Variants in MYO16 observed in about 807,000 individuals in gnomAD.
MYO16 encodes the protein myosin XVI.
A neutral mutation model predicts 205.3 loss-of-function variants in MYO16; 94 were observed. That is an observed-to-expected ratio of 0.46 (90% CI 0.39 to 0.54). The LOEUF is 0.54. Among genes scored for constraint, MYO16 ranks in the 20% least tolerant of loss-of-function variants. MYO16 has a pLI of 0.00. For synonymous variants in MYO16, 988 were observed against 954.0 expected, an observed-to-expected ratio of 1.04 and a Z score of -0.66; for missense variants, 2,315 against 2,387.5, an observed-to-expected ratio of 0.97 and a Z score of 0.63.
the MYO16 span, among the ~76,000 whole-genome samples, chr13:108,544,347 T>C: frequency 2.3e-3 from 351 of 152,260 alleles, 2 homozygotes; most frequent in African/African-American, 8.1e-3. Flanking sequence ...CTGAGCCATA[T>C]TTTACTTTTG....
intron 20 of MYO16, among the ~76,000 whole-genome samples, chr13:108,981,500 C>G (rs1443446182): frequency 1.3e-5 from 2 of 152,244 alleles, no homozygotes; most frequent in African/African-American, 4.8e-5. Flanking sequence ...CAACAGAATA[C>G]AACTGCAATG....
At chr13:108,985,618 G>T (rs570689810) in intron 20 of MYO16, among the ~76,000 whole-genome samples, 1 of 152,328 alleles carries the variant, frequency 6.6e-6, no homozygotes, top group East Asian at 1.9e-4. Flanking sequence ...TCTTCCTGAA[G>T]TTCTGGGCCA....
intron 20 of MYO16, among the ~76,000 whole-genome samples, chr13:108,969,285 A>G (rs1439289530): frequency 6.6e-6 from 1 of 152,212 alleles, no homozygotes; most frequent in African/African-American, 2.4e-5. Context: ...AAACTAATAA[A>G]GTTGTTAAGT....
chr13:108,530,347 A>G, the MYO16 span, among the ~76,000 whole-genome samples: 1 of 152,250 alleles, frequency 6.6e-6, no homozygotes, highest in African/African-American at 2.4e-5. Flanking sequence ...AACAGGACTA[A>G]AAGCTGCAAA....
chr13:108,496,431 T>C, the MYO16 span, among the ~76,000 whole-genome samples: 1 of 152,142 alleles, frequency 6.6e-6, no homozygotes, highest in African/African-American at 2.4e-5. Context: ...GAAGGAGGGC[T>C]CCCCAGCTGT....
chr13:108,912,820 T>C (rs1201384214), intron 16 of MYO16, among the ~76,000 whole-genome samples: 2 of 151,996 alleles, frequency 1.3e-5, no homozygotes, highest in African/African-American at 4.8e-5. Flanking sequence ...AGTGCATCTG[T>C]GTCTATGTGT....
intron 21 of MYO16, among the ~76,000 whole-genome samples, chr13:108,998,837 C>G (rs1356421252): frequency 6.6e-6 from 1 of 152,182 alleles, no homozygotes; most frequent in East Asian, 1.9e-4. Context: ...CTCCCTATGG[C>G]TTCTATGTAC....
At chr13:108,882,105 C>T (rs909424541) in intron 12 of MYO16, among the ~76,000 whole-genome samples, 1 of 152,158 alleles carries the variant, frequency 6.6e-6, no homozygotes, top group Non-Finnish European at 1.5e-5. Flanking sequence ...CCCTGAGCAT[C>T]AAGCATTTTA....
At chr13:109,081,585 G>A (rs1594067889) in intron 27 of MYO16, among the ~76,000 whole-genome samples, 1 of 152,120 alleles carries the variant, frequency 6.6e-6, no homozygotes, top group Non-Finnish European at 1.5e-5. Context: ...CTTGAGCAAC[G>A]ATGAGAGATG....
At chr13:108,611,987 T>A in intron 1 of MYO16, among the ~76,000 whole-genome samples, 1 of 147,752 alleles carries the variant, frequency 6.8e-6, no homozygotes, top group Admixed American at 6.7e-5. Context: ...TTTTTTTTTT[T>A]TTTTTTGAGA....
At chr13:108,814,631 CTAAGTA>C (rs1293575379) in intron 7 of MYO16, among the ~76,000 whole-genome samples, 15 of 152,148 alleles carry the variant, frequency 9.9e-5, no homozygotes, top group African/African-American at 3.4e-4. Context: ...AAAATAACTT[CTAAGTA>C]TAAGCACCCT....
chr13:108,879,770 A>T (rs1053073951), intron 12 of MYO16, among the ~76,000 whole-genome samples: 4 of 152,194 alleles, frequency 2.6e-5, no homozygotes, highest in Non-Finnish European at 4.4e-5. Flanking sequence ...ATTGATGGAC[A>T]TTTGGGTTGA....
chr13:108,880,555 G>T, intron 12 of MYO16, among the ~76,000 whole-genome samples: 1 of 152,094 alleles, frequency 6.6e-6, no homozygotes, highest in Non-Finnish European at 1.5e-5. Context: ...TGTAAGGAAG[G>T]GATCCAGTTT....
intron 23 of MYO16, among the ~76,000 whole-genome samples, chr13:109,026,333 G>C (rs1440457352): frequency 6.6e-6 from 1 of 151,556 alleles, no homozygotes; most frequent in Non-Finnish European, 1.5e-5. Context: ...GTTAGGCAGA[G>C]AGAGATTTGA....
intron 17 of MYO16, among the ~76,000 whole-genome samples, chr13:108,960,661 A>G (rs1387942622): frequency 1.3e-5 from 2 of 152,226 alleles, no homozygotes; most frequent in Non-Finnish European, 2.9e-5. Context: ...ATTACAGATT[A>G]GGAGACTGAG....
At chr13:108,602,952 G>A (rs1036293826) in intron 1 of MYO16, among the ~76,000 whole-genome samples, 4 of 152,130 alleles carry the variant, frequency 2.6e-5, no homozygotes, top group African/African-American at 9.7e-5. Context: ...AAAGAACCTG[G>A]AAAAATGTCC....
chr13:108,616,570 G>C (rs1314233334), intron 1 of MYO16, among the ~76,000 whole-genome samples: 1 of 152,132 alleles, frequency 6.6e-6, no homozygotes, highest in Admixed American at 6.5e-5. Flanking sequence ...CACGCTGCCG[G>C]TGAATTAAGC....
intron 32 of MYO16, among the ~76,000 whole-genome samples, chr13:109,155,530 T>G (rs1877967116): frequency 6.6e-6 from 1 of 152,174 alleles, no homozygotes; most frequent in Non-Finnish European, 1.5e-5. Context: ...TTTCTGTTTC[T>G]TAAGTAATCA....
chr13:108,855,648 A>G, intron 11 of MYO16, 95 bp downstream of exon 11: 1 of 806,174 alleles, frequency 1.2e-6, no homozygotes, highest in Non-Finnish European at 1.9e-6. Flanking sequence ...TAAAGGGCTC[A>G]TTGGAGCTTC....
Sources: gnomAD v4.1 joint callset for allele counts (sites outside exome capture counted in the v4.1 genomes callset) on GRCh38, gnomAD v4.1.1 for gene constraint, MANE v1.5 for transcripts, NCBI Gene and HGNC (gene_info 2026-07-23, HGNC 2026-07-21) for gene names.